The following CDH10 variants were observed in gnomAD, a reference collection of about 807,000 sequenced individuals.
CDH10 encodes cadherin 10.
In CDH10, 30 loss-of-function variants were observed where a neutral mutation model predicts 73.1. The ratio of observed to expected loss-of-function variants is 0.41; its 90% CI spans 0.31 to 0.56. The LOEUF (loss-of-function observed/expected upper bound fraction) is 0.56. CDH10 is among the 20% of genes least tolerant of loss of function. The pLI is 0.27. For missense variants in CDH10, 815 were observed against 973.7 expected, an observed-to-expected ratio of 0.84 and a Z score of 2.17; for synonymous variants, 345 against 348.2, an observed-to-expected ratio of 0.99 and a Z score of 0.10.
rs150419521 is a variant in CDH10, at chr5:24,639,453, T to A, written c.-124+5141A>T. On this transcript the variant is annotated intron_variant, in intron 1 of 11. Transcript: ENST00000264463. ...AATGATATTGAATTTCAACTTTAAT[T>A]CTTGTATTTATACATATTACATTAA... Among the ~76,000 whole-genome samples the A allele has an allele frequency of 5.3e-3, 801 of 151,856 alleles. 5 individuals are homozygous for A. The highest frequency in any genetic ancestry group is 0.019 in the African/African-American group (769 of 41,528).
chr5:24,543,983 C>T (rs1653077928), intron 2 of CDH10, among the ~76,000 whole-genome samples: 2 of 152,164 alleles, frequency 1.3e-5, no homozygotes, highest in African/African-American at 2.4e-5. Flanking sequence ...TCATGAATCT[C>T]GATAAAACAA....
chr5:24,625,340 A>T (rs899051267), intron 1 of CDH10, among the ~76,000 whole-genome samples: 1 of 151,908 alleles, frequency 6.6e-6, no homozygotes, highest in African/African-American at 2.4e-5. Flanking sequence ...AAAAAGCCAG[A>T]TGTCTTAGTA....
chr5:24,613,735 C>CAT (rs1420913019), intron 1 of CDH10, among the ~76,000 whole-genome samples: 1 of 152,132 alleles, frequency 6.6e-6, no homozygotes, highest in Non-Finnish European at 1.5e-5. Context: ...TTCTCATGAA[C>CAT]ATATATTCTG....
At chr5:24,638,417 C>A (rs1159461402) in intron 1 of CDH10, among the ~76,000 whole-genome samples, 2 of 151,680 alleles carry the variant, frequency 1.3e-5, no homozygotes, top group Non-Finnish European at 3.0e-5. Flanking sequence ...AAAACCTCCA[C>A]TCTTCACTCA....
chr5:24,512,591 A>G (rs1200428670), intron 5 of CDH10, among the ~76,000 whole-genome samples: 2 of 152,204 alleles, frequency 1.3e-5, no homozygotes. Context: ...TTGCAGTGTC[A>G]GAGTGAAAAC....
chr5:24,540,891 A>G (rs951839800), intron 2 of CDH10, among the ~76,000 whole-genome samples: 2 of 151,946 alleles, frequency 1.3e-5, no homozygotes, highest in African/African-American at 4.8e-5. Context: ...AAGAAACTAC[A>G]AGAGATATTC....
rs569833151 is a variant in CDH10, at chr5:24,613,378, C to T, written c.-123-19765G>A. Among the ~76,000 whole-genome samples, 29 of 152,094 alleles carry T rather than the reference C, an allele frequency of 1.9e-4. No individual in the cohort carries two copies. The East Asian group carries it at 2.7e-3, about 14-fold the overall frequency. The stretch of plus-strand genomic sequence containing the variant: ...AGACTCATTTTCATGCTTTTACAGC[C>T]TTCCTAGAAAAAGAGGAAGACTACG... On this transcript the variant is annotated intron_variant, in intron 1 of 11. Transcript: ENST00000264463.
At chr5:24,586,594 T>C (rs111449441) in intron 2 of CDH10, among the ~76,000 whole-genome samples, 19,363 of 148,762 alleles carry the variant, frequency 0.13, 1,262 homozygotes, top group Admixed American at 0.17. Flanking sequence ...AGGCATACAC[T>C]ACCATGCCCG....
At chr5:24,639,385 A>G (rs1747969341) in intron 1 of CDH10, among the ~76,000 whole-genome samples, 2 of 151,682 alleles carry the variant, frequency 1.3e-5, no homozygotes, top group South Asian at 4.1e-4. Context: ...AAATTTTCCA[A>G]TTACTAGGGC....
chr5:24,539,246 A>T (rs1303400358), intron 2 of CDH10, among the ~76,000 whole-genome samples: 1 of 151,954 alleles, frequency 6.6e-6, no homozygotes, highest in African/African-American at 2.4e-5. Flanking sequence ...CTCTTTACTT[A>T]CACCAACACT....
intron 3 of CDH10, among the ~76,000 whole-genome samples, chr5:24,536,895 T>C (rs925613891): frequency 3.3e-5 from 5 of 151,964 alleles, no homozygotes; most frequent in African/African-American, 4.8e-5. Flanking sequence ...TGATAGGATT[T>C]TTTTATGATG....
intron 6 of CDH10, among the ~76,000 whole-genome samples, chr5:24,510,566 C>A (rs1435441073): frequency 6.6e-6 from 1 of 152,178 alleles, no homozygotes; most frequent in African/African-American, 2.4e-5. Context: ...ATTTGTATTA[C>A]TGCTGCTGTC....
intron 2 of CDH10, among the ~76,000 whole-genome samples, chr5:24,559,071 G>C (rs1434273111): frequency 6.6e-6 from 1 of 151,742 alleles, no homozygotes; most frequent in Admixed American, 6.6e-5. Flanking sequence ...TTTTCTAGTA[G>C]AATAATTCTT....
intron 1 of CDH10, among the ~76,000 whole-genome samples, chr5:24,627,663 T>G (rs952755046): frequency 1.3e-5 from 2 of 152,086 alleles, no homozygotes; most frequent in Non-Finnish European, 2.9e-5. Context: ...TCCTTTAACA[T>G]GAGGATGAAA....
intron 1 of CDH10, among the ~76,000 whole-genome samples, chr5:24,632,902 T>A (rs1430273188): frequency 6.6e-6 from 1 of 151,742 alleles, no homozygotes; most frequent in Non-Finnish European, 1.5e-5. Context: ...ATGATGATGA[T>A]GATGATAATG....
At chr5:24,615,040 T>A (rs891951386) in intron 1 of CDH10, among the ~76,000 whole-genome samples, 1 of 152,146 alleles carries the variant, frequency 6.6e-6, no homozygotes, top group African/African-American at 2.4e-5. Context: ...CAAGTAGACA[T>A]CCACTCTCAA....
At chr5:24,643,133 T>C (rs1748109185) in intron 1 of CDH10, among the ~76,000 whole-genome samples, 1 of 152,164 alleles carries the variant, frequency 6.6e-6, no homozygotes, top group African/African-American at 2.4e-5. Flanking sequence ...CATTACTTCC[T>C]TATGCATTGC....
At chr5:24,562,352 ATTTTTATCAGCAC>A (rs1046569540) in intron 2 of CDH10, among the ~76,000 whole-genome samples, 4 of 151,706 alleles carry the variant, frequency 2.6e-5, no homozygotes, top group African/African-American at 7.3e-5. Flanking sequence ...TCCTTCTTTT[ATTTTTATCAGCAC>A]TGTTGATATA....
At chr5:24,605,552 G>A (rs926680711) in intron 1 of CDH10, among the ~76,000 whole-genome samples, 1 of 152,182 alleles carries the variant, frequency 6.6e-6, no homozygotes, top group East Asian at 1.9e-4. Flanking sequence ...GAAGTGGGTC[G>A]TTGGCACCAA....
Sources: gnomAD v4.1 joint callset for allele counts (sites outside exome capture counted in the v4.1 genomes callset) on GRCh38, gnomAD v4.1.1 for gene constraint, MANE v1.5 for transcripts, NCBI Gene and HGNC (gene_info 2026-07-23, HGNC 2026-07-21) for gene names.